Variants in TMEM255B observed in about 807,000 individuals in gnomAD.
TMEM255B encodes the protein transmembrane protein 255B.
TMEM255B carries 35 observed loss-of-function variants against 34.5 expected under a neutral mutation model. That is an observed-to-expected ratio of 1.01 (90% CI 0.77 to 1.34). The LOEUF is 1.34. Among genes scored for constraint, TMEM255B ranks in the 40% most tolerant of loss-of-function variants. The pLI, the probability that TMEM255B is intolerant of heterozygous loss-of-function variation, is 0.00. For synonymous variants in TMEM255B, 206 were observed against 201.2 expected, an observed-to-expected ratio of 1.02 and a Z score of -0.20; for missense variants, 432 against 433.2, an observed-to-expected ratio of 1.00 and a Z score of 0.02.
intron 8 of TMEM255B, among the ~76,000 whole-genome samples, chr13:113,809,068 G>C: frequency 7.8e-6 from 1 of 128,110 alleles, no homozygotes; most frequent in Admixed American, 8.9e-5. Context: ...TTTCCTGGGG[G>C]TTTACTCTGT....
chr13:113,802,238 G>A (rs1407722989), intron 7 of TMEM255B, among the ~76,000 whole-genome samples: 3 of 152,220 alleles, frequency 2.0e-5, no homozygotes, highest in Non-Finnish European at 2.9e-5. Flanking sequence ...GCAGGAGGAG[G>A]GAGGGAAGGG....
chr13:113,793,844 C>A (rs1243772038), intron 3 of TMEM255B, among the ~76,000 whole-genome samples: 1 of 152,228 alleles, frequency 6.6e-6, no homozygotes, highest in Non-Finnish European at 1.5e-5. Context: ...CCCAGCGGGC[C>A]TGTGGTGTGG....
chr13:113,807,865 G>T (rs544073493), intron 8 of TMEM255B, among the ~76,000 whole-genome samples: 1 of 147,720 alleles, frequency 6.8e-6, no homozygotes, highest in Non-Finnish European at 1.5e-5. Context: ...CTTACGGGAC[G>T]TGGGGGGCAC....
intron 8 of TMEM255B, among the ~76,000 whole-genome samples, chr13:113,805,510 A>C (rs1334672561): frequency 6.6e-6 from 1 of 152,194 alleles, no homozygotes; most frequent in African/African-American, 2.4e-5. Flanking sequence ...GTGGGGGGCG[A>C]GCAGGACAGT....
chr13:113,759,804 A>G (rs1009976044), intron 1 of TMEM255B, among the ~76,000 whole-genome samples: 2 of 152,176 alleles, frequency 1.3e-5, no homozygotes, highest in African/African-American at 2.4e-5. Context: ...AGAACTGGAC[A>G]GTGTTGCTTG....
intron 3 of TMEM255B, among the ~76,000 whole-genome samples, chr13:113,782,679 G>T (rs1027086465): frequency 4.0e-5 from 6 of 151,576 alleles, no homozygotes; most frequent in East Asian, 3.9e-4. Flanking sequence ...GGTCGGAGGG[G>T]GGGGCTTCAT....
intron 3 of TMEM255B, among the ~76,000 whole-genome samples, chr13:113,774,575 CACACACACCACACAACACACAAATG>C (rs1259342488): frequency 1.9e-5 from 2 of 105,018 alleles, no homozygotes; most frequent in African/African-American, 4.5e-5. Flanking sequence ...ACACACATGA[CACACACACCACACAACACACAAATG>C]ACACACACCA....
chr13:113,763,770 A>G (rs984971521), intron 1 of TMEM255B, among the ~76,000 whole-genome samples: 9 of 152,094 alleles, frequency 5.9e-5, no homozygotes, highest in Non-Finnish European at 1.3e-4. Context: ...ACATATACCC[A>G]CTGTCTCCCT....
chr13:113,775,139 A>G (rs1327871671), intron 3 of TMEM255B, among the ~76,000 whole-genome samples: 1 of 150,404 alleles, frequency 6.6e-6, no homozygotes, highest in East Asian at 2.0e-4. Flanking sequence ...TACACACACC[A>G]CATATATGAC....
chr13:113,813,887 G>C lies in TMEM255B; in HGVS notation c.*1984G>C, dbSNP rs1253499420. The C allele has an allele frequency of 2.0e-5, 3 of 152,274 alleles. No homozygotes were observed. Among genetic ancestry groups the C allele is most frequent in the Non-Finnish European group, 2.9e-5 (2 of 68,090 alleles). 9.4% of individuals were successfully genotyped at this position (152,274 alleles called of 1,614,324 possible). ...AGGTCGGGCACGAGCCGGAGGTGCG[G>C]CGTCCTGTCTGGAAATCACCGCCCA... is the stretch of plus-strand genomic sequence containing the variant. On this transcript the variant is annotated 3_prime_UTR_variant, in exon 9 of 9. Transcript: ENST00000375353.
At chr13:113,771,777 A>G (rs2050482802) in intron 3 of TMEM255B, among the ~76,000 whole-genome samples, 1 of 152,232 alleles carries the variant, frequency 6.6e-6, no homozygotes, top group African/African-American at 2.4e-5. Context: ...AGCTGTTTAC[A>G]GACTTTGGCT....
intron 5 of TMEM255B, 157 bp downstream of exon 5, chr13:113,799,576 T>A: frequency 1.5e-6 from 1 of 675,984 alleles, no homozygotes. Flanking sequence ...CCCCCTGTGT[T>A]TGGGACCTTG....
intron 3 of TMEM255B, among the ~76,000 whole-genome samples, chr13:113,785,947 A>T (rs1020268971): frequency 2.0e-5 from 3 of 152,184 alleles, no homozygotes; most frequent in African/African-American, 7.2e-5. Flanking sequence ...AGACCGTTTG[A>T]TTCCTCCAGT....
rs922295850 is a variant in TMEM255B at position 113,806,959 on chromosome 13, G to T, written c.813+1931G>T. On this transcript the variant is annotated intron_variant, in intron 8 of 8. Coordinates refer to ENST00000375353, the MANE Select transcript of TMEM255B (RefSeq NM_182614.4). The surrounding 1 kb of genome is among the most constrained non-coding windows in gnomAD (Gnocchi z 4.2). The stretch of plus-strand genomic sequence containing the variant: ...AACGTGCAGCCCAGAGCATAGCCTC[G>T]GTGGCCCATGCTGTCTTCCATCCTC... Among the ~76,000 whole-genome samples the T allele has an allele frequency of 3.3e-5, 5 of 152,174 alleles. No individual in the cohort carries two copies. In the East Asian group the frequency reaches 7.7e-4, roughly 23 times the overall value.
At position 113,813,030 on chromosome 13, in the gene TMEM255B, C is replaced by CACAGGTCCCGAGTGGGTG. The variant is rs2051358570; in HGVS notation, c.*1132_*1133insTCCCGAGTGGGTGACAGG. ...AGTGGGTCACGGGTCCCGGGTGGGT[C>CACAGGTCCCGAGTGGGTG]ACAGGCGCCCCAGTGACAGGAGTTC... On this transcript the variant is annotated 3_prime_UTR_variant, in exon 9 of 9. Transcript: ENST00000375353. 2 of 143,722 alleles carry CACAGGTCCCGAGTGGGTG rather than the reference C, an allele frequency of 1.4e-5. No homozygotes were observed. The highest frequency in any genetic ancestry group is 3.1e-5 in the Non-Finnish European group (2 of 64,942). 8.9% of individuals were successfully genotyped at this position (143,722 alleles called of 1,614,324 possible).
intron 3 of TMEM255B, among the ~76,000 whole-genome samples, chr13:113,778,409 G>C (rs779039195): frequency 1.3e-5 from 2 of 152,114 alleles, no homozygotes; most frequent in Non-Finnish European, 2.9e-5. Flanking sequence ...GATTTCACCT[G>C]CTGTAATGAT....
In TMEM255B at chr13:113,769,511, G is replaced by T; in HGVS notation, c.252+351G>T. 1 of 238,364 alleles carries T rather than the reference G, an allele frequency of 4.2e-6. No individual in the cohort carries two copies. The highest frequency in any genetic ancestry group is 8.1e-5 in the East Asian group (1 of 12,302). 14.8% of individuals were successfully genotyped at this position (238,364 alleles called of 1,614,324 possible). Reference sequence around the variant, plus strand: ...GTGTAAAGTTCAGGCAAAAACATGTGCATAAGCCTCTCTTCCTTTTGAACC... The same window carrying T: ...GTGTAAAGTTCAGGCAAAAACATGTTCATAAGCCTCTCTTCCTTTTGAACC... On this transcript the variant is annotated intron_variant, in intron 3 of 8. Transcript: ENST00000375353. This position sits in a 1 kb window ranked among gnomAD's most constrained non-coding sequence, Gnocchi z 4.2.
intron 2 of TMEM255B, 197 bp downstream of exon 2, chr13:113,766,454 A>C: frequency 1.3e-6 from 1 of 789,916 alleles, no homozygotes; most frequent in Non-Finnish European, 2.1e-6. Context: ...GGCAGGTCCA[A>C]GGCAGAGGGG....
At chr13:113,784,824 A>G (rs1414906096) in intron 3 of TMEM255B, among the ~76,000 whole-genome samples, 3 of 152,240 alleles carry the variant, frequency 2.0e-5, no homozygotes, top group East Asian at 1.9e-4. Context: ...GCCACTGCCC[A>G]CGGCTTCCTG....
Sources: gnomAD v4.1 joint callset for allele counts (sites outside exome capture counted in the v4.1 genomes callset) on GRCh38, gnomAD v4.1.1 for gene constraint, Gnocchi (gnomAD v3.1) non-coding constraint, MANE v1.5 for transcripts, NCBI Gene and HGNC (gene_info 2026-07-23, HGNC 2026-07-21) for gene names.